SCFD2: variants seen among roughly 807,000 people sequenced by gnomAD.
SCFD2 encodes sec1 family domain containing 2.
Under a neutral mutation model 58.9 loss-of-function variants are expected in SCFD2, and 54 were observed. That is an observed-to-expected ratio of 0.92 (90% CI 0.74 to 1.15). The LOEUF (loss-of-function observed/expected upper bound fraction) is 1.15, where lower values mean the gene tolerates loss of function less well. SCFD2 is among the 50% of genes most tolerant of loss of function. The pLI is 0.00. For missense variants in SCFD2, 805 were observed against 836.6 expected, an observed-to-expected ratio of 0.96 and a Z score of 0.47; for synonymous variants, 321 against 335.9, an observed-to-expected ratio of 0.96 and a Z score of 0.49.
At chr4:53,181,479 T>C (rs1727552404) in intron 4 of SCFD2, among the ~76,000 whole-genome samples, 1 of 152,106 alleles carries the variant, frequency 6.6e-6, no homozygotes, top group Admixed American at 6.5e-5. Flanking sequence ...AAACTCTCAA[T>C]AAATTAGGTA....
chr4:53,341,698 C>T (rs568529158), intron 2 of SCFD2, among the ~76,000 whole-genome samples: 27 of 152,024 alleles, frequency 1.8e-4, no homozygotes, highest in African/African-American at 5.6e-4. Flanking sequence ...TGTTCAGGGC[C>T]ACCAGAGAGA....
At chr4:53,033,737 T>C (rs1168349815) in intron 5 of SCFD2, among the ~76,000 whole-genome samples, 2 of 152,190 alleles carry the variant, frequency 1.3e-5, no homozygotes. Context: ...GATAAATTCC[T>C]GGACACAACA....
In SCFD2 at chr4:53,014,091, G is replaced by A. The variant is rs531093948; in HGVS notation, c.1562-93221C>T. Among the ~76,000 whole-genome samples, 20 of 152,286 alleles carry A rather than the reference G, an allele frequency of 1.3e-4. 1 individual carries two copies. The South Asian group carries it at 4.1e-3, about 32-fold the overall frequency. ...AAAACAGACATACACCCTTTGCCAT[G>A]TGCAGGGGATGCAGGGAGGTAAATG... is the stretch of plus-strand genomic sequence containing the variant. On this transcript the variant is annotated intron_variant, in intron 5 of 8. Transcript: ENST00000401642.
At chr4:52,966,868 T>C (rs1172037515) in intron 5 of SCFD2, among the ~76,000 whole-genome samples, 5 of 152,226 alleles carry the variant, frequency 3.3e-5, no homozygotes, top group Admixed American at 6.5e-5. Context: ...AAATTTACCA[T>C]TGTAGCCATT....
intron 4 of SCFD2, among the ~76,000 whole-genome samples, chr4:53,253,904 A>T (rs895044073): frequency 4.0e-5 from 6 of 150,406 alleles, no homozygotes; most frequent in Non-Finnish European, 5.9e-5. Context: ...AAAAAAAAAA[A>T]AATAACAAAG....
intron 7 of SCFD2, among the ~76,000 whole-genome samples, chr4:52,893,660 G>C (rs1341109425): frequency 1.3e-5 from 2 of 152,218 alleles, no homozygotes; most frequent in Non-Finnish European, 2.9e-5. Flanking sequence ...ATGGCCCCCT[G>C]ACCCAGGGTG....
chr4:53,344,748 A>G (rs1734002990), intron 2 of SCFD2, among the ~76,000 whole-genome samples: 1 of 152,222 alleles, frequency 6.6e-6, no homozygotes, highest in South Asian at 2.1e-4. Flanking sequence ...GTACCAAAAC[A>G]GATATATAGA....
intron 4 of SCFD2, among the ~76,000 whole-genome samples, chr4:53,224,024 G>A (rs777250793): frequency 6.6e-6 from 1 of 152,074 alleles, no homozygotes; most frequent in Non-Finnish European, 1.5e-5. Flanking sequence ...CCTTCATTCT[G>A]GGCTAGTCAA....
In SCFD2 at chr4:52,969,541, T is replaced by G. The variant is rs184328206; in HGVS notation, c.1562-48671A>C. Among the ~76,000 whole-genome samples the G allele has an allele frequency of 5.2e-4, 79 of 152,296 alleles. 1 individual carries two copies. Among genetic ancestry groups the G allele is most frequent in the Admixed American group, 4.7e-3 (72 of 15,300 alleles). ...CAGTCCCTGGAAGTTGGCTTGGCCATGTGATTTGTGTTGGCTGGTGGAAAG... is the reference window on the plus strand; with the variant it reads ...CAGTCCCTGGAAGTTGGCTTGGCCAGGTGATTTGTGTTGGCTGGTGGAAAG... On this transcript the variant is annotated intron_variant, in intron 5 of 8. Coordinates refer to ENST00000401642, the MANE Select transcript of SCFD2 (RefSeq NM_152540.4).
intron 8 of SCFD2, among the ~76,000 whole-genome samples, chr4:52,881,235 A>T (rs1277088961): frequency 6.6e-6 from 1 of 152,236 alleles, no homozygotes; most frequent in Non-Finnish European, 1.5e-5. Context: ...TGTGAAAGAC[A>T]GTTCATTTCT....
At position 52,960,150 on chromosome 4, in the gene SCFD2, C is replaced by A. The variant is rs200618927; in HGVS notation, c.1562-39280G>T. Among the ~76,000 whole-genome samples the A allele has an allele frequency of 3.3e-5, 5 of 152,196 alleles. No individual in the cohort carries two copies. The East Asian group carries it at 9.7e-4, about 29-fold the overall frequency. ...TACCTTTTGGCCTATTTATGTTTGTCCCTTCCTGCTGAAAGTGAGGTTAGA... is the reference window on the plus strand; with the variant it reads ...TACCTTTTGGCCTATTTATGTTTGTACCTTCCTGCTGAAAGTGAGGTTAGA... On this transcript the variant is annotated intron_variant, in intron 5 of 8. Transcript: ENST00000401642.
intron 5 of SCFD2, among the ~76,000 whole-genome samples, chr4:53,104,741 T>C (rs889853081): frequency 2.6e-5 from 4 of 152,252 alleles, no homozygotes; most frequent in Non-Finnish European, 5.9e-5. Context: ...CCATGTCAGC[T>C]GAACAGCTTG....
intron 8 of SCFD2, 109 bp downstream of exon 8, chr4:52,885,638 G>T (rs1718719896): frequency 3.1e-6 from 4 of 1,302,262 alleles, no homozygotes; most frequent in Non-Finnish European, 4.4e-6. Flanking sequence ...AGAGGGTGAT[G>T]GGCAGGCAGG....
intron 5 of SCFD2, among the ~76,000 whole-genome samples, chr4:53,103,113 A>G (rs562224224): frequency 1.3e-5 from 2 of 152,236 alleles, no homozygotes; most frequent in Non-Finnish European, 2.9e-5. Context: ...GGATGTTTGT[A>G]TGGTCTCAAA....
At chr4:53,079,624 A>G (rs1193204520) in intron 5 of SCFD2, among the ~76,000 whole-genome samples, 1 of 152,192 alleles carries the variant, frequency 6.6e-6, no homozygotes, top group Non-Finnish European at 1.5e-5. Context: ...TATAGCACTG[A>G]GTTTATTGAC....
At chr4:53,243,795 G>T (rs1175000595) in intron 4 of SCFD2, among the ~76,000 whole-genome samples, 1 of 152,116 alleles carries the variant, frequency 6.6e-6, no homozygotes, top group African/African-American at 2.4e-5. Flanking sequence ...AAGGGATGGA[G>T]AAAAATCTAC....
intron 5 of SCFD2, among the ~76,000 whole-genome samples, chr4:53,035,017 G>A (rs1327092558): frequency 6.6e-6 from 1 of 152,156 alleles, no homozygotes; most frequent in African/African-American, 2.4e-5. Context: ...ACATAGCCAA[G>A]ACAATTCTGG....
intron 5 of SCFD2, among the ~76,000 whole-genome samples, chr4:52,947,728 T>G (rs1246636797): frequency 6.6e-6 from 1 of 151,574 alleles, no homozygotes; most frequent in Non-Finnish European, 1.5e-5. Context: ...GATATAAAAT[T>G]TCATCCCTAG....
In SCFD2 at chr4:53,321,477, T is replaced by C. The variant is rs560618648; in HGVS notation, c.1008-7714A>G. On this transcript the variant is annotated intron_variant, in intron 2 of 8. Coordinates refer to ENST00000401642, the MANE Select transcript of SCFD2 (RefSeq NM_152540.4). ...GCGTACCATTATCTTGTGACTAAACTTAGTTTCTTCGTGGCATGCACAGGA... is the reference window on the plus strand; with the variant it reads ...GCGTACCATTATCTTGTGACTAAACCTAGTTTCTTCGTGGCATGCACAGGA... Among the ~76,000 whole-genome samples, 10 of 152,200 alleles carry C rather than the reference T, an allele frequency of 6.6e-5. 1 individual carries two copies. In the South Asian group the frequency reaches 2.1e-3, roughly 32 times the overall value.
Sources: gnomAD v4.1 joint callset for allele counts (sites outside exome capture counted in the v4.1 genomes callset) on GRCh38, gnomAD v4.1.1 for gene constraint, MANE v1.5 for transcripts, NCBI Gene and HGNC (gene_info 2026-07-23, HGNC 2026-07-21) for gene names.